PRKCB: variants seen among roughly 807,000 people sequenced by gnomAD.
The protein encoded by PRKCB is protein kinase C beta type.
PRKCB carries 13 observed loss-of-function variants against 81.5 expected under a neutral mutation model. The observed-to-expected ratio is 0.16, with a 90% CI of 0.10 to 0.25. The LOEUF (loss-of-function observed/expected upper bound fraction) is 0.25. Ranked by LOEUF, PRKCB falls within the 10% of genes least tolerant of loss-of-function variation. PRKCB has a pLI of 1.00. For synonymous variants in PRKCB, 335 were observed against 321.4 expected, an observed-to-expected ratio of 1.04 and a Z score of -0.45; for missense variants, 509 against 875.7, an observed-to-expected ratio of 0.58 and a Z score of 5.29.
chr16:24,188,052 T>TG (rs1350462264), intron 15 of PRKCB, among the ~76,000 whole-genome samples: 2 of 152,228 alleles, frequency 1.3e-5, no homozygotes, highest in Non-Finnish European at 2.9e-5. Flanking sequence ...CCTGGACAGC[T>TG]GGGGGTTCTA....
At chr16:23,940,312 C>T (rs1191335984) in intron 2 of PRKCB, among the ~76,000 whole-genome samples, 1 of 151,990 alleles carries the variant, frequency 6.6e-6, no homozygotes, top group Non-Finnish European at 1.5e-5. Flanking sequence ...GCCAACTGCC[C>T]TATGACCCAG....
chr16:24,199,547 C>T (rs1967925798), intron 16 of PRKCB, among the ~76,000 whole-genome samples: 1 of 152,184 alleles, frequency 6.6e-6, no homozygotes, highest in Non-Finnish European at 1.5e-5. Flanking sequence ...TTTATTTAAG[C>T]ACAGAACCTA....
At chr16:24,041,862 T>C (rs1371883549) in intron 5 of PRKCB, among the ~76,000 whole-genome samples, 1 of 151,760 alleles carries the variant, frequency 6.6e-6, no homozygotes, top group Non-Finnish European at 1.5e-5. Context: ...TGGATGCCTG[T>C]AATCCCAGCT....
chr16:24,030,896 C>T (rs1965542597), intron 3 of PRKCB, among the ~76,000 whole-genome samples: 1 of 100,438 alleles, frequency 1.0e-5, no homozygotes, highest in Non-Finnish European at 2.0e-5. Context: ...AAAACTCTAT[C>T]TCAAAAAAAA....
chr16:23,862,108 C>A (rs563793480), intron 2 of PRKCB, among the ~76,000 whole-genome samples: 2 of 152,068 alleles, frequency 1.3e-5, no homozygotes, highest in Non-Finnish European at 2.9e-5. Flanking sequence ...TGGATTGTAT[C>A]CTGGACACTG....
At chr16:24,090,945 G>T (rs1966368949) in intron 5 of PRKCB, among the ~76,000 whole-genome samples, 1 of 152,068 alleles carries the variant, frequency 6.6e-6, no homozygotes, top group Non-Finnish European at 1.5e-5. Context: ...AAAATTTCTG[G>T]TTTTATTTAT....
At chr16:24,000,167 C>T (rs1162834465) in intron 3 of PRKCB, among the ~76,000 whole-genome samples, 2 of 152,184 alleles carry the variant, frequency 1.3e-5, no homozygotes, top group Admixed American at 6.5e-5. Flanking sequence ...GAGGAAGTAT[C>T]TATGGTTAAT....
intron 5 of PRKCB, among the ~76,000 whole-genome samples, chr16:24,091,671 C>CA (rs1276733037): frequency 1.3e-5 from 2 of 152,014 alleles, no homozygotes; most frequent in African/African-American, 2.4e-5. Context: ...AGTGCAGTGG[C>CA]ATGATCTTGG....
chr16:23,995,389 G>C (rs781239588), intron 3 of PRKCB, among the ~76,000 whole-genome samples: 6 of 152,260 alleles, frequency 3.9e-5, no homozygotes, highest in African/African-American at 9.6e-5. Flanking sequence ...GTTAGTGGCA[G>C]AGAGGGATAC....
chr16:23,847,551 A>ACCAT (rs1055062679), intron 2 of PRKCB, among the ~76,000 whole-genome samples: 134 of 68,372 alleles, frequency 2.0e-3, no homozygotes, highest in Admixed American at 7.6e-3. Context: ...CATCCATCCA[A>ACCAT]CCATCCATCC....
chr16:23,900,526 G>A (rs1963452727), intron 2 of PRKCB, among the ~76,000 whole-genome samples: 1 of 152,068 alleles, frequency 6.6e-6, no homozygotes, highest in South Asian at 2.1e-4. Flanking sequence ...GTTCTCTGGA[G>A]GAGTACTACT....
chr16:24,020,624 T>C lies in PRKCB; in HGVS notation c.289-11512T>C, dbSNP rs979049427. Among the ~76,000 whole-genome samples, 20 of 152,274 alleles carry C rather than the reference T, an allele frequency of 1.3e-4. 4 individuals are homozygous for C. The highest frequency in any genetic ancestry group is 2.0e-4 in the Admixed American group (3 of 15,288). On this transcript the variant is annotated intron_variant, in intron 3 of 16. Transcript: ENST00000643927. ...TGGCTGAGGAACCAGAGACTCAGGG[T>C]GGTTAAGTCACTTCCCTGAGGTCAC...
At chr16:24,139,132 G>A (rs1318268975) in intron 9 of PRKCB, among the ~76,000 whole-genome samples, 5 of 152,144 alleles carry the variant, frequency 3.3e-5, no homozygotes, top group African/African-American at 9.6e-5. Flanking sequence ...GATTACAGGC[G>A]TGAGCCACCG....
At chr16:24,068,488 A>G (rs1358818360) in intron 5 of PRKCB, among the ~76,000 whole-genome samples, 2 of 149,922 alleles carry the variant, frequency 1.3e-5, no homozygotes, top group Non-Finnish European at 3.0e-5. Context: ...AAAAAAAAAA[A>G]AAAACCACAC....
chr16:24,102,521 A>G (rs1358519856), intron 7 of PRKCB, among the ~76,000 whole-genome samples: 1 of 152,206 alleles, frequency 6.6e-6, no homozygotes, highest in East Asian at 1.9e-4. Flanking sequence ...GTTGTGCTGT[A>G]ATTGAAGACC....
chr16:23,844,528 A>G (rs1962329914), intron 2 of PRKCB, among the ~76,000 whole-genome samples: 1 of 151,960 alleles, frequency 6.6e-6, no homozygotes, highest in South Asian at 2.1e-4. Flanking sequence ...TTTTTTTGAG[A>G]CGGAGTCTTG....
chr16:23,856,870 C>T (rs1177441813), intron 2 of PRKCB, among the ~76,000 whole-genome samples: 1 of 152,100 alleles, frequency 6.6e-6, no homozygotes, highest in East Asian at 1.9e-4. Context: ...CATGAGTGAA[C>T]TGGGTCAAAA....
intron 3 of PRKCB, among the ~76,000 whole-genome samples, chr16:24,009,958 A>AT (rs1965179672): frequency 6.6e-6 from 1 of 152,152 alleles, no homozygotes; most frequent in Non-Finnish European, 1.5e-5. Context: ...AGCCGAGATC[A>AT]TGCTACTGCA....
intron 2 of PRKCB, among the ~76,000 whole-genome samples, chr16:23,949,360 A>C (rs1964246414): frequency 6.6e-6 from 1 of 152,206 alleles, no homozygotes; most frequent in Non-Finnish European, 1.5e-5. Flanking sequence ...CCAGTCACCT[A>C]GTGATAAGCA....
Sources: allele counts gnomAD v4.1 joint callset (sites outside exome capture counted in the v4.1 genomes callset), GRCh38; gene constraint gnomAD v4.1.1; transcripts MANE v1.5; gene names NCBI Gene and HGNC (gene_info 2026-07-23, HGNC 2026-07-21).